The following SPATA22 variants were observed in gnomAD, a reference collection of about 807,000 sequenced individuals.
SPATA22 encodes spermatogenesis associated 22, also known as spermatogenesis-associated protein 22.
In SPATA22, 29 loss-of-function variants were observed where a neutral mutation model predicts 47.8. The ratio of observed to expected loss-of-function variants is 0.61; its 90% CI spans 0.45 to 0.83. The LOEUF (loss-of-function observed/expected upper bound fraction) is 0.83, where lower values mean the gene tolerates loss of function less well. SPATA22 is among the 40% of genes least tolerant of loss of function. SPATA22 has a pLI of 0.00. For synonymous variants in SPATA22, 133 were observed against 140.9 expected (o/e 0.94, Z 0.40); for missense variants, 410 against 421.7 (o/e 0.97, Z 0.24).
At position 3,489,343 on chromosome 17, in the gene SPATA22, G is replaced by T. The variant is rs753871454; in HGVS notation, c.-73-19945C>A. ...GATTTTATACATCATTTCAATGAAG[G>T]TAAGTAATAATGAAGGTAACGTTAT... On this transcript the variant is annotated intron_variant, in intron 1 of 8. Transcript: ENST00000541913. 7 of 1,589,510 alleles carry T rather than the reference G, an allele frequency of 4.4e-6. No individual in the cohort carries two copies. The highest frequency in any genetic ancestry group is 2.2e-5 in the South Asian group (2 of 90,498).
chr17:3,493,356 A>G (rs890982509), intron 1 of SPATA22, among the ~76,000 whole-genome samples: 4 of 152,018 alleles, frequency 2.6e-5, no homozygotes, highest in African/African-American at 4.8e-5. Flanking sequence ...AGGTCAAGAA[A>G]TCGAGACCAT....
At position 3,449,098 on chromosome 17, in the gene SPATA22, A is replaced by G. The variant is rs1567594206; in HGVS notation, c.381T>C (p.Asp127=). The G allele has an allele frequency of 6.2e-7, 1 of 1,610,968 alleles. No individual in the cohort carries two copies. Among genetic ancestry groups the G allele is most frequent in the Non-Finnish European group, 8.5e-7 (1 of 1,179,204 alleles). ...NTSLKTWNKN[D]FKPQCKRTNL... is the part of the protein sequence containing the mutation. ...TTGTTCGTTTACATTGAGGCTTAAAATCATTTTTATTCCAAGTTTTCAAGC... is the reference window on the plus strand; with the variant it reads ...TTGTTCGTTTACATTGAGGCTTAAAGTCATTTTTATTCCAAGTTTTCAAGC... Residue 127 remains aspartate (D), a synonymous_variant, in exon 6 of 9, where the codon GAT becomes GAC. Coordinates refer to ENST00000572969, the MANE Select transcript of SPATA22 (RefSeq NM_001170698.2).
intron 5 of SPATA22, among the ~76,000 whole-genome samples, chr17:3,457,952 C>G (rs2073034251): frequency 6.6e-6 from 1 of 151,970 alleles, no homozygotes; most frequent in Non-Finnish European, 1.5e-5. Flanking sequence ...GCACAGTCAA[C>G]AAAAGCAAAA....
At chr17:3,483,431 C>T in intron 1 of SPATA22, 1 of 1,353,062 alleles carries the variant, frequency 7.4e-7, no homozygotes, top group East Asian at 2.3e-5. Flanking sequence ...GTATTATTGA[C>T]TCTGTTGAAG....
chr17:3,449,489 G>T (rs538275611), intron 5 of SPATA22, among the ~76,000 whole-genome samples: 1 of 152,296 alleles, frequency 6.6e-6, no homozygotes, highest in African/African-American at 2.4e-5. Context: ...GATAGTAGTT[G>T]TATCCAAGTG....
chr17:3,440,903 A>G (rs1255596501), intron 8 of SPATA22: 1 of 152,038 alleles, frequency 6.6e-6, no homozygotes, highest in Admixed American at 6.6e-5. Context: ...GAAACTGAGC[A>G]GAGATTTCAC....
In SPATA22 at chr17:3,506,669, C is replaced by T. The variant is rs529756033; in HGVS notation, c.-74+6743G>A. On this transcript the variant is annotated intron_variant, in intron 1 of 8. Transcript: ENST00000541913. ...TTGCTCTAAGTGAAAGGCAGGGCCACGCACAGGGACCTGTAATCCCAGCAC... is the reference window on the plus strand; with the variant it reads ...TTGCTCTAAGTGAAAGGCAGGGCCATGCACAGGGACCTGTAATCCCAGCAC... Among the ~76,000 whole-genome samples, 13 of 152,226 alleles carry T rather than the reference C, an allele frequency of 8.5e-5. No homozygotes were observed. The South Asian group carries it at 1.7e-3, about 19-fold the overall frequency.
chr17:3,494,187 T>G (rs2073872400), intron 1 of SPATA22, among the ~76,000 whole-genome samples: 1 of 152,036 alleles, frequency 6.6e-6, no homozygotes. Flanking sequence ...GTATTTTTAG[T>G]GGAGATGGGG....
chr17:3,509,220 G>C (rs912731973), intron 1 of SPATA22, among the ~76,000 whole-genome samples: 1 of 151,946 alleles, frequency 6.6e-6, no homozygotes, highest in Non-Finnish European at 1.5e-5. Flanking sequence ...AAAAGGGGGG[G>C]ATACAGGTGC....
intron 1 of SPATA22, among the ~76,000 whole-genome samples, chr17:3,486,406 G>A (rs1465359356): frequency 6.6e-6 from 1 of 152,170 alleles, no homozygotes; most frequent in Non-Finnish European, 1.5e-5. Context: ...GAAGATCCAT[G>A]AAGAATCCTC....
At chr17:3,462,850 G>A in intron 3 of SPATA22, 83 bp from the exon 4 acceptor site, 1 of 1,169,320 alleles carries the variant, frequency 8.6e-7, no homozygotes. Flanking sequence ...TTAATTTGGA[G>A]GGTTTAAAAA....
At chr17:3,440,428 G>A (rs2072573243) in intron 8 of SPATA22, 90 bp from the exon 9 acceptor site, 1 of 1,098,124 alleles carries the variant, frequency 9.1e-7, no homozygotes, top group Non-Finnish European at 1.3e-6. Context: ...CTAAACATGT[G>A]CCACCTCAAA....
chr17:3,481,798 G>C, intron 1 of SPATA22: 1 of 1,586,186 alleles, frequency 6.3e-7, no homozygotes, highest in Non-Finnish European at 8.6e-7. Context: ...ATTACATTAA[G>C]GTAATGTTAA....
intron 3 of SPATA22, among the ~76,000 whole-genome samples, chr17:3,463,945 C>CCTCTCCCTCTCCCTCTA (rs2073199406): frequency 3.5e-5 from 1 of 28,762 alleles, no homozygotes; most frequent in South Asian, 8.6e-4. Context: ...CTCTCCCTCT[C>CCTCTCCCTCTCCCTCTA]CCTCTGCCTC....
chr17:3,501,514 A>C (rs1270322877), intron 1 of SPATA22: 1 of 153,552 alleles, frequency 6.5e-6, no homozygotes, highest in Non-Finnish European at 1.5e-5. Flanking sequence ...CTTCTTATAA[A>C]TGAGCAAAAA....
intron 3 of SPATA22, among the ~76,000 whole-genome samples, chr17:3,463,624 G>A (rs1351071171): frequency 6.6e-6 from 1 of 151,846 alleles, no homozygotes; most frequent in African/African-American, 2.4e-5. Context: ...ATACACTACT[G>A]TACACTAAAC....
chr17:3,443,484 C>T (rs1323901813), intron 7 of SPATA22, among the ~76,000 whole-genome samples: 1 of 151,930 alleles, frequency 6.6e-6, no homozygotes, highest in Non-Finnish European at 1.5e-5. Flanking sequence ...AACTTAGGAA[C>T]AGATTATATG....
rs761296376 is a variant in SPATA22 at position 3,449,141 on chromosome 17, T to A, written c.338A>T (p.Asp113Val). The A allele has an allele frequency of 6.3e-7, 1 of 1,598,266 alleles. No individual in the cohort carries two copies. The highest frequency in any genetic ancestry group is 1.7e-4 in the Middle Eastern group (1 of 6,000). Residue 113 changes from aspartate to valine, a missense_variant, in exon 6 of 9, where the codon GAT becomes GTT. Transcript: ENST00000572969. ...GRSQGGWSYRDGNKNTSLKTW... is the reference protein window; with the variant it reads ...GRSQGGWSYRVGNKNTSLKTW... ...TTTCAAGCTGGTATTTTTGTTACCA[T>A]CTCTGTAGCTGTAATAGTGCAAAAA...
At chr17:3,475,186 CAG>C (rs1413265210), upstream of SPATA22, among the ~76,000 whole-genome samples, 3 of 152,154 alleles carry the variant, frequency 2.0e-5, no homozygotes, top group Non-Finnish European at 4.4e-5. Flanking sequence ...AGATTTGGCT[CAG>C]AGTCATTTCT....
Sources: gnomAD v4.1 joint callset for allele counts (sites outside exome capture counted in the v4.1 genomes callset) on GRCh38, gnomAD v4.1.1 for gene constraint, MANE v1.5 for transcripts, NCBI Gene and HGNC (gene_info 2026-07-23, HGNC 2026-07-21) for gene names.